Variants in DCAF6 observed in about 807,000 individuals in gnomAD.
DCAF6 encodes the protein DDB1 and CUL4 associated factor 6.
In DCAF6, 54 loss-of-function variants were observed where a neutral mutation model predicts 125.1. The ratio of observed to expected loss-of-function variants is 0.43; its 90% confidence interval spans 0.35 to 0.54. The LOEUF is 0.54. DCAF6 is among the 20% of genes least tolerant of loss of function. DCAF6 has a pLI of 0.01. For missense variants in DCAF6, 934 were observed against 1,161.7 expected (o/e 0.80, Z 2.85); for synonymous variants, 371 against 390.4 (o/e 0.95, Z 0.58).
At chr1:167,905,128 T>A in the DCAF6 span, 1 of 1,614,110 alleles carries the variant, frequency 6.2e-7, no homozygotes, top group Admixed American at 1.7e-5. Flanking sequence ...AATTCTTCTT[T>A]TGGAGTGTTC....
At chr1:167,979,608 T>C (rs1353074196) in intron 4 of DCAF6, among the ~76,000 whole-genome samples, 18 of 152,188 alleles carry the variant, frequency 1.2e-4, no homozygotes, top group Admixed American at 1.1e-3. Flanking sequence ...TTATCTAGGC[T>C]GTGTGCTGTG....
At chr1:167,952,551 T>C (rs1453118222) in intron 2 of DCAF6, among the ~76,000 whole-genome samples, 1 of 152,146 alleles carries the variant, frequency 6.6e-6, no homozygotes, top group Non-Finnish European at 1.5e-5. Context: ...TTCTCTTGGC[T>C]TTTGCTAACA....
rs1239000182 is a variant in DCAF6 at position 168,055,931 on chromosome 1, A to T, written c.2300+4998A>T. On this transcript the variant is annotated intron_variant, in intron 17 of 21. Coordinates refer to ENST00000367840, the MANE Select transcript of DCAF6 (RefSeq NM_001198956.2). ...CCTCAATAGATTTTATGTATTTCTC[A>T]TATGCTTCTTCACTCATAAGTTCAT... The T allele has an allele frequency of 1.9e-5, 30 of 1,567,864 alleles. No homozygotes were observed. The East Asian group carries it at 5.4e-4, about 28-fold the overall frequency.
intron 1 of DCAF6, among the ~76,000 whole-genome samples, chr1:167,942,429 C>T: frequency 6.6e-6 from 1 of 152,074 alleles, no homozygotes; most frequent in East Asian, 1.9e-4. Flanking sequence ...TTTTTGTCAT[C>T]CATATAGTCT....
At chr1:167,881,231 C>T in the DCAF6 span, among the ~76,000 whole-genome samples, 1 of 152,166 alleles carries the variant, frequency 6.6e-6, no homozygotes, top group Non-Finnish European at 1.5e-5. Context: ...CTGTTCCATG[C>T]AATGATTCAA....
intron 3 of DCAF6, among the ~76,000 whole-genome samples, chr1:167,973,167 C>T (rs150522814): frequency 6.6e-6 from 1 of 152,214 alleles, no homozygotes; most frequent in Non-Finnish European, 1.5e-5. Context: ...TAATTACTCT[C>T]TCTGTTTCAT....
chr1:168,030,182 T>C (rs988528432), intron 12 of DCAF6, among the ~76,000 whole-genome samples: 7 of 152,102 alleles, frequency 4.6e-5, no homozygotes, highest in Non-Finnish European at 1.0e-4. Context: ...CAGGGTTCAG[T>C]GTGGAACATA....
At chr1:167,970,380 G>A (rs2102860214) in intron 3 of DCAF6, among the ~76,000 whole-genome samples, 1 of 152,332 alleles carries the variant, frequency 6.6e-6, no homozygotes, top group East Asian at 1.9e-4. Context: ...GGCCAAGTGT[G>A]TGGCTCACGC....
chr1:167,937,820 G>C (rs1372041819), intron 1 of DCAF6, among the ~76,000 whole-genome samples: 1 of 152,054 alleles, frequency 6.6e-6, no homozygotes, highest in Non-Finnish European at 1.5e-5. Context: ...GACGTACTTA[G>C]TAAAGGTCTT....
intron 3 of DCAF6, among the ~76,000 whole-genome samples, chr1:167,970,002 C>T (rs571026567): frequency 6.6e-6 from 1 of 152,278 alleles, no homozygotes; most frequent in South Asian, 2.1e-4. Flanking sequence ...GTCTCGAACT[C>T]CTGAGCTCAA....
chr1:168,045,707 A>T (rs1322580977), intron 16 of DCAF6, among the ~76,000 whole-genome samples: 1 of 152,176 alleles, frequency 6.6e-6, no homozygotes, highest in African/African-American at 2.4e-5. Flanking sequence ...AAACTTAGTG[A>T]CTGAATTTAG....
chr1:168,053,171 T>G (rs939671176), intron 17 of DCAF6, among the ~76,000 whole-genome samples: 2 of 152,186 alleles, frequency 1.3e-5, no homozygotes, highest in Non-Finnish European at 2.9e-5. Context: ...GCCCATATAT[T>G]CCCTAATCAA....
At chr1:167,928,650 G>A in the DCAF6 span, among the ~76,000 whole-genome samples, 1 of 152,150 alleles carries the variant, frequency 6.6e-6, no homozygotes, top group Non-Finnish European at 1.5e-5. Context: ...AATGTCACAT[G>A]TGTCATTCTA....
At chr1:167,935,638 G>C (rs1414339890), upstream of DCAF6, 1 of 960,542 alleles carries the variant, frequency 1.0e-6, no homozygotes. Context: ...GGCTGTGGAT[G>C]CCTCTAGAGG....
At chr1:168,000,992 T>C (rs1483243080) in intron 7 of DCAF6, among the ~76,000 whole-genome samples, 1 of 152,212 alleles carries the variant, frequency 6.6e-6, no homozygotes, top group Non-Finnish European at 1.5e-5. Flanking sequence ...ATGTGAATTA[T>C]ATTTCAATAC....
chr1:168,075,401 C>T lies in DCAF6; in HGVS notation c.2822C>T (p.Ser941Phe), dbSNP rs771169297. Reference protein sequence around the residue: ...DRLEGDRSEGSGQENENEDEE With the variant: ...DRLEGDRSEGFGQENENEDEE ...TTGGAGGGTGACAGATCAGAAGGCT[C>T]TGGTCAAGAGAATGAAAATGAGGAT... The change falls in exon 22 of 22, where the codon TCT becomes TTT. Residue 941 changes from serine to phenylalanine, a missense_variant. Ser to Phe is a radical substitution (Grantham distance 155, BLOSUM62 -2). This residue lies in a region of DCAF6 where 36 missense variants were observed against 39.8 expected (regional missense o/e 0.91). Transcript: ENST00000367840. 6 of 1,604,256 alleles carry T rather than the reference C, an allele frequency of 3.7e-6. No homozygotes were observed. In the South Asian group the frequency reaches 6.8e-5, roughly 18 times the overall value.
At chr1:167,965,751 AG>A (rs1676311306) in intron 2 of DCAF6, among the ~76,000 whole-genome samples, 1 of 151,826 alleles carries the variant, frequency 6.6e-6, no homozygotes, top group Non-Finnish European at 1.5e-5. Context: ...CGGGAGGCTG[AG>A]GCCTCCCGAG....
chr1:168,065,910 G>A (rs1268218909), intron 19 of DCAF6, among the ~76,000 whole-genome samples, 164 bp downstream of exon 19: 2 of 152,202 alleles, frequency 1.3e-5, no homozygotes, highest in Non-Finnish European at 2.9e-5. Context: ...AAACACACCT[G>A]TAATCTGCTT....
In DCAF6 at chr1:168,008,688, C is replaced by T. The variant is rs566654045; in HGVS notation, c.1378+3895C>T. ...AAAAAATCAAACTCCTCACTGTGGA[C>T]GTATAAGAATTTATATGGCCTGCCC... On this transcript the variant is annotated intron_variant, in intron 10 of 21. Coordinates refer to ENST00000367840, the MANE Select transcript of DCAF6 (RefSeq NM_001198956.2). Among the ~76,000 whole-genome samples the T allele has an allele frequency of 3.9e-5, 6 of 152,154 alleles. No individual in the cohort carries two copies. The East Asian group carries it at 5.8e-4, about 15-fold the overall frequency.
Sources: gnomAD v4.1 joint callset for allele counts (sites outside exome capture counted in the v4.1 genomes callset) on GRCh38, gnomAD v4.1.1 for gene constraint, gnomAD v4.1.1 regional missense constraint, MANE v1.5 for transcripts, NCBI Gene and HGNC (gene_info 2026-07-23, HGNC 2026-07-21) for gene names.